The following SAXO1 variants were observed in gnomAD, a reference collection of about 807,000 sequenced individuals.
The protein encoded by SAXO1 is stabilizer of axonemal microtubules 1, also known as 4930500O09Rik.
Under a neutral mutation model 17.5 loss-of-function variants are expected in SAXO1, and 21 were observed. The observed-to-expected ratio is 1.20, with a 90% CI of 0.85 to 1.72. The LOEUF (loss-of-function observed/expected upper bound fraction) is 1.72. SAXO1 is among the 40% of genes most tolerant of loss of function. The probability of loss-of-function intolerance (pLI) is 0.00; values close to 1 mark genes in which losing one functional copy is unlikely to be tolerated. For synonymous variants in SAXO1, 274 were observed against 216.5 expected, an observed-to-expected ratio of 1.27 and a Z score of -2.33; for missense variants, 843 against 596.0, an observed-to-expected ratio of 1.41 and a Z score of -4.32.
At chr9:19,027,679 C>A in intron 1 of SAXO1, 1 of 1,358,948 alleles carries the variant, frequency 7.4e-7, no homozygotes, top group Non-Finnish European at 1.1e-6. Context: ...CGCCCTCCAT[C>A]ATCTTCACTG....
chr9:19,033,606 C>G (rs10963923), upstream of SAXO1, among the ~76,000 whole-genome samples: 16,193 of 152,276 alleles, frequency 0.11, 953 homozygotes, highest in Non-Finnish European at 0.13. Flanking sequence ...CTTCAGATGT[C>G]TGTTAGAATT....
chr9:18,930,122 C>T (rs1248179990), intron 3 of SAXO1, among the ~76,000 whole-genome samples: 1 of 152,140 alleles, frequency 6.6e-6, no homozygotes, highest in East Asian at 1.9e-4. Flanking sequence ...TCATATCACA[C>T]TTAGGGGCAT....
chr9:18,968,019 C>A (rs903209983), intron 1 of SAXO1, among the ~76,000 whole-genome samples: 1 of 152,194 alleles, frequency 6.6e-6, no homozygotes, highest in Admixed American at 6.5e-5. Context: ...CAACCCCTTA[C>A]GCTTCCTGGG....
At chr9:18,940,859 T>A (rs987303248) in intron 3 of SAXO1, among the ~76,000 whole-genome samples, 1 of 152,174 alleles carries the variant, frequency 6.6e-6, no homozygotes, top group Non-Finnish European at 1.5e-5. Flanking sequence ...GTAATATCAA[T>A]AGATACTCAA....
At chr9:19,033,921 G>T (rs915434124), upstream of SAXO1, among the ~76,000 whole-genome samples, 3 of 152,102 alleles carry the variant, frequency 2.0e-5, no homozygotes, top group Admixed American at 1.3e-4. Flanking sequence ...CAGCTTTTGA[G>T]GTTCCTTTAC....
At chr9:19,020,520 T>C (rs1044388448) in intron 1 of SAXO1, among the ~76,000 whole-genome samples, 1 of 151,894 alleles carries the variant, frequency 6.6e-6, no homozygotes, top group Non-Finnish European at 1.5e-5. Flanking sequence ...ACCAGCTAAT[T>C]TTTTGTTGTT....
intron 1 of SAXO1, chr9:19,027,930 ATGAACGTCAGTCC>A: frequency 1.1e-5 from 16 of 1,414,144 alleles, no homozygotes; most frequent in Non-Finnish European, 1.5e-5. Flanking sequence ...CTCCCAAAAG[ATGAACGTCAGTCC>A]TGACGTGAAC....
intron 1 of SAXO1, among the ~76,000 whole-genome samples, chr9:18,979,453 G>A (rs1386964687): frequency 1.3e-5 from 2 of 152,194 alleles, no homozygotes; most frequent in Non-Finnish European, 2.9e-5. Flanking sequence ...ATGGTGAATG[G>A]GGGTATCTGT....
rs60406863 is a variant in SAXO1 at position 18,990,312 on chromosome 9, G to C, written c.39-39375C>G. On this transcript the variant is annotated intron_variant, in intron 1 of 3. Coordinates refer to ENST00000380534, the MANE Select transcript of SAXO1 (RefSeq NM_153707.4). ...CCAGTTAAAATGGCAACCTCAGAGA[G>C]AGCCAGTCAACACACATTAACTCAT... Among the ~76,000 whole-genome samples, 42 of 152,240 alleles carry C rather than the reference G, an allele frequency of 2.8e-4. No individual in the cohort carries two copies. In the East Asian group the frequency reaches 7.9e-3, roughly 29 times the overall value.
At chr9:19,048,215 C>T (rs1193721039) in intron 1 of SAXO1, among the ~76,000 whole-genome samples, 3 of 152,306 alleles carry the variant, frequency 2.0e-5, no homozygotes, top group East Asian at 3.9e-4. Context: ...CCTGTAATCC[C>T]ACACTTTAGG....
rs567493617 is a variant in SAXO1, at chr9:18,935,904, AC to A, written c.421+5732del. Among the ~76,000 whole-genome samples the A allele has an allele frequency of 2.6e-5, 4 of 152,334 alleles. No homozygotes were observed. The East Asian group carries it at 7.7e-4, about 29-fold the overall frequency. On this transcript the variant is annotated intron_variant, in intron 3 of 3. Transcript: ENST00000380534. Reference sequence around the variant, plus strand: ...CAGCCTAGCCTGCTCCGGCAGAGCCACTACATAAATGAAACAGCAGGGGTGG... The same window carrying A: ...CAGCCTAGCCTGCTCCGGCAGAGCCATACATAAATGAAACAGCAGGGGTGG...
chr9:18,986,712 G>C (rs1358911983), intron 1 of SAXO1, among the ~76,000 whole-genome samples: 1 of 152,164 alleles, frequency 6.6e-6, no homozygotes, highest in African/African-American at 2.4e-5. Flanking sequence ...TTCAATAGTA[G>C]GAAGCAAGGG....
intron 2 of SAXO1, chr9:18,947,775 G>A (rs1422968391): frequency 2.0e-5 from 3 of 152,184 alleles, no homozygotes; most frequent in Non-Finnish European, 4.4e-5. Context: ...CACTAAGAAT[G>A]GCTGGAAATC....
At chr9:18,971,942 A>ATCAG (rs1388884593) in intron 1 of SAXO1, among the ~76,000 whole-genome samples, 1 of 151,802 alleles carries the variant, frequency 6.6e-6, no homozygotes, top group African/African-American at 2.4e-5. Context: ...TTCACTAATA[A>ATCAG]TAACAAAAGA....
intron 1 of SAXO1, among the ~76,000 whole-genome samples, chr9:18,999,317 G>A (rs1477316022): frequency 1.3e-5 from 2 of 152,088 alleles, no homozygotes; most frequent in Non-Finnish European, 2.9e-5. Flanking sequence ...TGTGAGGAGT[G>A]CCTCTGCCTG....
intron 1 of SAXO1, among the ~76,000 whole-genome samples, chr9:19,005,398 T>G (rs1834443539): frequency 6.6e-6 from 1 of 151,718 alleles, no homozygotes; most frequent in Non-Finnish European, 1.5e-5. Context: ...AGCTATGTAA[T>G]CAAAACAGTA....
intron 3 of SAXO1, among the ~76,000 whole-genome samples, chr9:18,934,883 A>G (rs1313289252): frequency 6.6e-6 from 1 of 151,932 alleles, no homozygotes; most frequent in Non-Finnish European, 1.5e-5. Flanking sequence ...ATGGCTACCG[A>G]TATTTTTGTT....
At chr9:18,930,015 G>C (rs778399034) in intron 3 of SAXO1, among the ~76,000 whole-genome samples, 10 of 152,236 alleles carry the variant, frequency 6.6e-5, no homozygotes, top group Non-Finnish European at 1.3e-4. Flanking sequence ...ACAAGGCTCA[G>C]AGGAGCTAAG....
intron 2 of SAXO1, among the ~76,000 whole-genome samples, chr9:18,946,636 T>C (rs995289453): frequency 8.9e-5 from 13 of 145,974 alleles, no homozygotes; most frequent in African/African-American, 3.3e-4. Flanking sequence ...ATCTGACCCA[T>C]GCTCAAAAAA....
Sources: gnomAD v4.1 joint callset for allele counts (sites outside exome capture counted in the v4.1 genomes callset) on GRCh38, gnomAD v4.1.1 for gene constraint, MANE v1.5 for transcripts, NCBI Gene and HGNC (gene_info 2026-07-23, HGNC 2026-07-21) for gene names.